PRR16: variants seen among roughly 807,000 people sequenced by gnomAD.
PRR16 encodes the protein proline rich 16, also known as protein Largen.
A neutral mutation model predicts 18.2 loss-of-function variants in PRR16; 6 were observed. The observed-to-expected ratio is 0.33, with a 90% CI of 0.18 to 0.65. PRR16 has a LOEUF of 0.65. Ranked by LOEUF, PRR16 falls within the 30% of genes least tolerant of loss-of-function variation. The pLI, the probability that PRR16 is intolerant of heterozygous loss-of-function variation, is 0.74. For missense variants in PRR16, 412 were observed against 376.6 expected, an observed-to-expected ratio of 1.09 and a Z score of -0.78; for synonymous variants, 151 against 147.8, an observed-to-expected ratio of 1.02 and a Z score of -0.16.
intron 1 of PRR16, among the ~76,000 whole-genome samples, chr5:120,625,020 G>C (rs1043959374): frequency 6.6e-6 from 1 of 152,174 alleles, no homozygotes; most frequent in Non-Finnish European, 1.5e-5. Context: ...ACGTGGAACT[G>C]TAAGTCCAAT....
At chr5:120,640,438 G>C (rs775715402) in intron 1 of PRR16, among the ~76,000 whole-genome samples, 5 of 152,042 alleles carry the variant, frequency 3.3e-5, no homozygotes, top group African/African-American at 1.2e-4. Context: ...CATGAGCCAC[G>C]CACACATAAA....
intron 1 of PRR16, among the ~76,000 whole-genome samples, chr5:120,664,715 T>C (rs1756305283): frequency 6.6e-6 from 1 of 151,750 alleles, no homozygotes. Flanking sequence ...GTGTTTGGTT[T>C]TTTGTCCTTG....
At chr5:120,630,883 A>G (rs1321125417) in intron 1 of PRR16, among the ~76,000 whole-genome samples, 1 of 152,156 alleles carries the variant, frequency 6.6e-6, no homozygotes, top group Non-Finnish European at 1.5e-5. Context: ...AAATCTAGAT[A>G]CGCATTTTGA....
chr5:120,775,037 C>T, the PRR16 span, among the ~76,000 whole-genome samples: 1 of 152,148 alleles, frequency 6.6e-6, no homozygotes, highest in Non-Finnish European at 1.5e-5. Context: ...TCTAACCTTA[C>T]TCATTAAAGG....
chr5:120,590,476 A>T (rs921384055), intron 1 of PRR16, among the ~76,000 whole-genome samples: 1 of 144,016 alleles, frequency 6.9e-6, no homozygotes, highest in African/African-American at 2.7e-5. Flanking sequence ...GTGATTGGCA[A>T]TATTTGATAC....
intron 1 of PRR16, among the ~76,000 whole-genome samples, chr5:120,626,192 A>T (rs1253714527): frequency 1.3e-5 from 2 of 152,148 alleles, no homozygotes; most frequent in Non-Finnish European, 2.9e-5. Context: ...TAATATTCAA[A>T]AAATGAAAAC....
At chr5:120,562,782 C>T (rs1752616132) in intron 1 of PRR16, among the ~76,000 whole-genome samples, 1 of 152,034 alleles carries the variant, frequency 6.6e-6, no homozygotes, top group Non-Finnish European at 1.5e-5. Context: ...AAACTCTACA[C>T]CTTAACTCTG....
chr5:120,793,619 AC>A, the PRR16 span, among the ~76,000 whole-genome samples: 1 of 152,200 alleles, frequency 6.6e-6, no homozygotes, highest in Non-Finnish European at 1.5e-5. Flanking sequence ...AGGTAAAGAA[AC>A]AAAAATATGA....
At chr5:120,631,837 C>A (rs1755064199) in intron 1 of PRR16, among the ~76,000 whole-genome samples, 2 of 152,140 alleles carry the variant, frequency 1.3e-5, no homozygotes, top group Admixed American at 6.5e-5. Context: ...GAATACTTAA[C>A]CAGTTGTCCC....
At chr5:120,520,724 A>G (rs1751145929) in intron 1 of PRR16, among the ~76,000 whole-genome samples, 1 of 152,176 alleles carries the variant, frequency 6.6e-6, no homozygotes, top group African/African-American at 2.4e-5. Context: ...GTTACATCTG[A>G]AAATTACAAA....
chr5:120,668,724 G>T lies in PRR16; in HGVS notation c.160-17230G>T, dbSNP rs145530043. ...CTCCTTCACTTATGAAGGTTAGTTT[G>T]GCTGGATATGAAATTCTAGGTTGAA... On this transcript the variant is annotated intron_variant, in intron 1 of 1. Transcript: ENST00000407149. Among the ~76,000 whole-genome samples, 263 of 152,160 alleles carry T rather than the reference G, an allele frequency of 1.7e-3. 1 individual carries two copies. The highest frequency in any genetic ancestry group is 6.1e-3 in the African/African-American group (253 of 41,502).
the PRR16 span, among the ~76,000 whole-genome samples, chr5:120,741,071 ATTC>A: frequency 6.6e-6 from 1 of 151,948 alleles, no homozygotes. Flanking sequence ...CTTTAGCTAT[ATTC>A]TTCTGTATCT....
intron 1 of PRR16, among the ~76,000 whole-genome samples, chr5:120,573,837 T>C (rs1472513400): frequency 6.6e-6 from 1 of 152,012 alleles, no homozygotes; most frequent in Non-Finnish European, 1.5e-5. Context: ...GTTTATACTA[T>C]CACAAACATA....
the PRR16 span, among the ~76,000 whole-genome samples, chr5:120,778,199 G>T: frequency 1.3e-5 from 2 of 151,956 alleles, no homozygotes; most frequent in South Asian, 2.1e-4. Flanking sequence ...AAAGACAGGT[G>T]GTAAGGAATT....
chr5:120,474,170 A>T (rs1749360761), intron 1 of PRR16, among the ~76,000 whole-genome samples: 1 of 152,156 alleles, frequency 6.6e-6, no homozygotes, highest in Non-Finnish European at 1.5e-5. Context: ...TTAGAGTAAA[A>T]TGGGACTTCT....
chr5:120,630,280 A>G (rs1192899542), intron 1 of PRR16, among the ~76,000 whole-genome samples: 1 of 152,026 alleles, frequency 6.6e-6, no homozygotes, highest in Non-Finnish European at 1.5e-5. Flanking sequence ...TAAACATACT[A>G]CTTCACAGAT....
At chr5:120,777,562 G>GCATTTCTCCAGGTTTTATTAT in the PRR16 span, among the ~76,000 whole-genome samples, 2,426 of 151,324 alleles carry the variant, frequency 0.016, 27 homozygotes, top group Non-Finnish European at 0.025. Flanking sequence ...TTATTATGAA[G>GCATTTCTCCAGGTTTTATTAT]CATTTCTCCA....
the PRR16 span, among the ~76,000 whole-genome samples, chr5:120,734,270 A>C: frequency 0.6 from 90,977 of 152,046 alleles, 27,651 homozygotes; most frequent in East Asian, 0.81. Context: ...GAAGAACAAA[A>C]ACAGGAGTGA....
intron 1 of PRR16, among the ~76,000 whole-genome samples, chr5:120,556,829 T>C (rs1752428490): frequency 6.6e-6 from 1 of 151,824 alleles, no homozygotes; most frequent in Non-Finnish European, 1.5e-5. Context: ...TACAAAATCA[T>C]ATGTGGAATC....
Sources: gnomAD v4.1 joint callset for allele counts (sites outside exome capture counted in the v4.1 genomes callset) on GRCh38, gnomAD v4.1.1 for gene constraint, MANE v1.5 for transcripts, NCBI Gene and HGNC (gene_info 2026-07-23, HGNC 2026-07-21) for gene names.